Variants in KCNIP4 observed in about 807,000 individuals in gnomAD.
The protein encoded by KCNIP4 is Kv channel-interacting protein 4.
In KCNIP4, 12 loss-of-function variants were observed where a neutral mutation model predicts 34.0. The observed-to-expected ratio is 0.35, with a 90% CI of 0.23 to 0.57. The LOEUF is 0.57. Among genes scored for constraint, KCNIP4 ranks in the 20% least tolerant of loss-of-function variants. The probability of loss-of-function intolerance (pLI) is 0.83; values close to 1 mark genes in which losing one functional copy is unlikely to be tolerated. For synonymous variants in KCNIP4, 124 were observed against 102.2 expected (o/e 1.21, Z -1.29); for missense variants, 238 against 311.7 (o/e 0.76, Z 1.78).
At chr4:21,468,933 C>A (rs550112980) in intron 1 of KCNIP4, among the ~76,000 whole-genome samples, 1 of 152,296 alleles carries the variant, frequency 6.6e-6, no homozygotes, top group African/African-American at 2.4e-5. Flanking sequence ...TTACACACAG[C>A]AGTGATTCTC....
At chr4:21,104,221 G>A (rs867053661) in intron 1 of KCNIP4, among the ~76,000 whole-genome samples, 20 of 151,974 alleles carry the variant, frequency 1.3e-4, no homozygotes, top group African/African-American at 4.4e-4. Flanking sequence ...CAGTATAAAA[G>A]TGTTCCTATT....
In KCNIP4 at chr4:21,089,165, A is replaced by G. The variant is rs113496866; in HGVS notation, c.62-206456T>C. On this transcript the variant is annotated intron_variant, in intron 1 of 8. Transcript: ENST00000382152. The stretch of plus-strand genomic sequence containing the variant: ...CCCAAATCTTGGATTGTATTCTCCA[A>G]TGTTGGAGTAGGGGCCTGGTGGGAG... Among the ~76,000 whole-genome samples, 679 of 152,252 alleles carry G rather than the reference A, an allele frequency of 4.5e-3. 4 individuals carry two copies. The highest frequency in any genetic ancestry group is 0.015 in the African/African-American group (626 of 41,554).
intron 1 of KCNIP4, among the ~76,000 whole-genome samples, chr4:20,980,905 A>C (rs1436818808): frequency 6.6e-6 from 1 of 152,106 alleles, no homozygotes; most frequent in Non-Finnish European, 1.5e-5. Context: ...TTGCATTGGG[A>C]TAACCCTGTC....
At chr4:21,024,317 T>C (rs1740343916) in intron 1 of KCNIP4, among the ~76,000 whole-genome samples, 1 of 152,214 alleles carries the variant, frequency 6.6e-6, no homozygotes, top group Non-Finnish European at 1.5e-5. Flanking sequence ...TAGCCAATTC[T>C]CTAGTTCAAG....
intron 1 of KCNIP4, among the ~76,000 whole-genome samples, chr4:21,053,724 C>T (rs1335428134): frequency 6.6e-6 from 1 of 152,088 alleles, no homozygotes; most frequent in East Asian, 1.9e-4. Flanking sequence ...CAGCAATGAA[C>T]ATATAGAATT....
At chr4:21,167,859 C>T (rs1002801347) in intron 1 of KCNIP4, among the ~76,000 whole-genome samples, 7 of 152,144 alleles carry the variant, frequency 4.6e-5, no homozygotes, top group African/African-American at 1.7e-4. Flanking sequence ...TCCTTCCTGG[C>T]AATTGCATTC....
intron 1 of KCNIP4, among the ~76,000 whole-genome samples, chr4:21,071,195 A>G (rs887442343): frequency 2.6e-5 from 4 of 152,094 alleles, no homozygotes; most frequent in Admixed American, 2.6e-4. Context: ...ATTTTCTCCC[A>G]TGTGACCTGC....
chr4:21,122,735 A>T (rs1046456736), intron 1 of KCNIP4, among the ~76,000 whole-genome samples: 3 of 152,202 alleles, frequency 2.0e-5, no homozygotes, highest in African/African-American at 7.2e-5. Flanking sequence ...TGTGAAGAGG[A>T]CATAGGGCAT....
intron 1 of KCNIP4, among the ~76,000 whole-genome samples, chr4:21,178,442 T>G (rs1187219276): frequency 6.6e-6 from 1 of 152,160 alleles, no homozygotes; most frequent in Non-Finnish European, 1.5e-5. Flanking sequence ...AGTTCCATCG[T>G]TACTGGGGTT....
chr4:20,818,432 C>A (rs1449772291), intron 3 of KCNIP4, among the ~76,000 whole-genome samples: 1 of 152,158 alleles, frequency 6.6e-6, no homozygotes, highest in African/African-American at 2.4e-5. Context: ...GAAAAGCAGC[C>A]CTTTTCAGAA....
intron 1 of KCNIP4, among the ~76,000 whole-genome samples, chr4:21,572,024 A>C (rs1369216004): frequency 6.6e-6 from 1 of 152,190 alleles, no homozygotes; most frequent in Non-Finnish European, 1.5e-5. Context: ...TAGACCTAGC[A>C]AATAAGATGC....
chr4:20,864,132 G>A (rs1350244208), intron 2 of KCNIP4, among the ~76,000 whole-genome samples: 1 of 140,848 alleles, frequency 7.1e-6, no homozygotes, highest in Non-Finnish European at 1.6e-5. Flanking sequence ...GTATACACAT[G>A]TATGTATACA....
chr4:20,870,037 T>C (rs1723273803), intron 2 of KCNIP4, among the ~76,000 whole-genome samples: 1 of 152,166 alleles, frequency 6.6e-6, no homozygotes, highest in East Asian at 1.9e-4. Context: ...ATTATATCAC[T>C]TATTAAAATG....
chr4:21,672,589 C>T (rs978016813), intron 1 of KCNIP4, among the ~76,000 whole-genome samples: 2 of 152,146 alleles, frequency 1.3e-5, no homozygotes, highest in African/African-American at 4.8e-5. Flanking sequence ...TACTGGTAAG[C>T]ATGTTTGTTT....
intron 1 of KCNIP4, among the ~76,000 whole-genome samples, chr4:21,107,246 G>A (rs895603336): frequency 6.9e-6 from 1 of 145,104 alleles, no homozygotes; most frequent in African/African-American, 2.7e-5. Flanking sequence ...TCTCTTTGTA[G>A]GTCACTCAGG....
At chr4:20,814,210 A>T (rs1045622353) in intron 3 of KCNIP4, among the ~76,000 whole-genome samples, 1 of 152,166 alleles carries the variant, frequency 6.6e-6, no homozygotes, top group African/African-American at 2.4e-5. Flanking sequence ...GCCTTTTGAT[A>T]AGATGTCCAG....
rs1445055606 is a variant in KCNIP4, at chr4:21,304,065, GAGAC to G, written c.62-421360_62-421357del. ...AGAGAGAGAGAGAGAGAGAGAGAGA[GAGAC>G]AGAGAGAGAGAGAGAGACAGAGAGA... On this transcript the variant is annotated intron_variant, in intron 1 of 8. Coordinates refer to ENST00000382152, the MANE Select transcript of KCNIP4 (RefSeq NM_025221.6). 595 of 378,392 alleles carry G rather than the reference GAGAC, an allele frequency of 1.6e-3. 5 individuals are homozygous for G. The highest frequency in any genetic ancestry group is 0.013 in the African/African-American group (255 of 18,972). 23.4% of individuals were successfully genotyped at this position (378,392 alleles called of 1,614,324 possible).
chr4:20,837,526 T>A (rs1041377407), intron 3 of KCNIP4, among the ~76,000 whole-genome samples: 2 of 151,762 alleles, frequency 1.3e-5, no homozygotes, highest in Admixed American at 1.3e-4. Flanking sequence ...GCCCTAGAAT[T>A]TAATTTTAGT....
chr4:21,103,536 C>T (rs1018666710), intron 1 of KCNIP4, among the ~76,000 whole-genome samples: 9 of 150,736 alleles, frequency 6.0e-5, no homozygotes, highest in Admixed American at 2.0e-4. Flanking sequence ...AATATACTTC[C>T]CATAAAATTC....
Sources: gnomAD v4.1 joint callset for allele counts (sites outside exome capture counted in the v4.1 genomes callset) on GRCh38, gnomAD v4.1.1 for gene constraint, MANE v1.5 for transcripts, NCBI Gene and HGNC (gene_info 2026-07-23, HGNC 2026-07-21) for gene names.